ASCC3: variants seen among roughly 807,000 people sequenced by gnomAD.
ASCC3 encodes activating signal cointegrator 1 complex subunit 3.
ASCC3 carries 158 observed loss-of-function variants against 256.3 expected under a neutral mutation model. The observed-to-expected ratio is 0.62, with a 90% confidence interval of 0.54 to 0.70. ASCC3 has a LOEUF of 0.70. Among genes scored for constraint, ASCC3 ranks in the 30% least tolerant of loss-of-function variants. The probability of loss-of-function intolerance (pLI) is 0.00; values close to 1 mark genes in which losing one functional copy is unlikely to be tolerated. For missense variants in ASCC3, 2,259 were observed against 2,626.0 expected, an observed-to-expected ratio of 0.86 and a Z score of 3.05; for synonymous variants, 948 against 883.4, an observed-to-expected ratio of 1.07 and a Z score of -1.30.
At chr6:100,622,331 G>A (rs1773996945) in intron 30 of ASCC3, among the ~76,000 whole-genome samples, 1 of 152,120 alleles carries the variant, frequency 6.6e-6, no homozygotes, top group African/African-American at 2.4e-5. Flanking sequence ...TGTCATGATA[G>A]AGAGAGTTCT....
At chr6:100,706,531 T>G (rs908270687) in intron 13 of ASCC3, among the ~76,000 whole-genome samples, 1 of 151,794 alleles carries the variant, frequency 6.6e-6, no homozygotes, top group Non-Finnish European at 1.5e-5. Flanking sequence ...TACCAGTTCT[T>G]GTGTGATGGA....
chr6:100,815,653 C>A (rs1770708252), intron 4 of ASCC3, among the ~76,000 whole-genome samples: 1 of 151,952 alleles, frequency 6.6e-6, no homozygotes, highest in South Asian at 2.1e-4. Flanking sequence ...CCAACAAAAA[C>A]AAGGAATGGG....
At chr6:100,630,139 T>C (rs1774462397) in intron 26 of ASCC3, among the ~76,000 whole-genome samples, 1 of 152,038 alleles carries the variant, frequency 6.6e-6, no homozygotes, top group African/African-American at 2.4e-5. Flanking sequence ...ATCACCCGCC[T>C]CAGCCTCCCA....
intron 10 of ASCC3, among the ~76,000 whole-genome samples, chr6:100,758,851 C>T (rs974695829): frequency 6.6e-6 from 1 of 152,100 alleles, no homozygotes; most frequent in African/African-American, 2.4e-5. Flanking sequence ...TAATTTAATT[C>T]CCACCAACAG....
rs550411844 is a variant in ASCC3, at chr6:100,528,783, G to A, written c.5776-10641C>T. ...TAAAGGTCTTCCTTTCAGGCACACT[G>A]AATCACCTAGAATACTTTCAAAGCA... On this transcript the variant is annotated intron_variant, in intron 37 of 41. Coordinates refer to ENST00000369162, the MANE Select transcript of ASCC3 (RefSeq NM_006828.4). 5.3e-5 allele frequency among the ~76,000 whole-genome samples: 8 copies of A among 152,266 alleles called. No homozygotes were observed. In the South Asian group the frequency reaches 1.7e-3, roughly 32 times the overall value.
intron 36 of ASCC3, among the ~76,000 whole-genome samples, chr6:100,547,165 A>AT (rs1769014733): frequency 2.6e-5 from 4 of 152,120 alleles, no homozygotes; most frequent in Admixed American, 2.6e-4. Flanking sequence ...ATAACTGGGT[A>AT]TCCATATGGC....
intron 14 of ASCC3, among the ~76,000 whole-genome samples, chr6:100,669,779 A>G (rs1461941713): frequency 1.3e-5 from 2 of 151,956 alleles, no homozygotes; most frequent in African/African-American, 4.8e-5. Context: ...ACTCAAGTAA[A>G]TAAGAGAATA....
At chr6:100,602,836 G>A (rs1181697061) in intron 33 of ASCC3, among the ~76,000 whole-genome samples, 1 of 151,978 alleles carries the variant, frequency 6.6e-6, no homozygotes, top group Non-Finnish European at 1.5e-5. Flanking sequence ...AAAAGAAAAA[G>A]CTAAGTAAAA....
intron 8 of ASCC3, among the ~76,000 whole-genome samples, chr6:100,768,493 T>C (rs1292053199): frequency 6.6e-6 from 1 of 152,140 alleles, no homozygotes; most frequent in African/African-American, 2.4e-5. Flanking sequence ...CAGAAAGCCA[T>C]TTCATAATGA....
At chr6:100,717,986 A>C (rs562070347) in intron 12 of ASCC3, 89 bp downstream of exon 12, 1 of 1,289,574 alleles carries the variant, frequency 7.8e-7, no homozygotes, top group East Asian at 2.5e-5. Flanking sequence ...AAAGGCTGAA[A>C]TGGTCTTTTG....
chr6:100,580,886 T>C (rs1017461657), intron 36 of ASCC3, among the ~76,000 whole-genome samples: 1 of 152,018 alleles, frequency 6.6e-6, no homozygotes, highest in Non-Finnish European at 1.5e-5. Context: ...TCCAATTGCA[T>C]CCATGTCCCT....
In ASCC3 at chr6:100,571,606, C is replaced by A. The variant is rs912669630; in HGVS notation, c.5550+18028G>T. 5.9e-5 allele frequency among the ~76,000 whole-genome samples: 9 copies of A among 152,116 alleles called. 1 individual carries two copies. Among genetic ancestry groups the A allele is most frequent in the Admixed American group, 5.2e-4 (8 of 15,262 alleles). Reference sequence around the variant, plus strand: ...TATTGCAAATAAGCAAAAAATTGTTCTATGCATTTCACGTATATAAACTAA... The same window carrying A: ...TATTGCAAATAAGCAAAAAATTGTTATATGCATTTCACGTATATAAACTAA... On this transcript the variant is annotated intron_variant, in intron 36 of 41. Transcript: ENST00000369162.
chr6:100,718,199 G>A lies in ASCC3; in HGVS notation c.1955C>T (p.Pro652Leu), dbSNP rs766428747. The A allele has an allele frequency of 6.2e-7, 1 of 1,613,378 alleles. No homozygotes were observed. The highest frequency in any genetic ancestry group is 1.7e-5 in the Admixed American group (1 of 59,958). The stretch of plus-strand genomic sequence containing the variant: ...AAATGTGGCAACATCGAGGTAGTTA[G>A]GTAAAGTTGCAGACAGTCCGAGAAT... ...IRILGLSATL[P>L]NYLDVATFLH... Residue 652 changes from proline (P) to leucine (L), a missense_variant, in exon 12 of 42, where the codon CCT becomes CTT. By Grantham distance (98) the Pro-to-Leu change is moderately conservative (BLOSUM62 -3). Coordinates refer to ENST00000369162, the MANE Select transcript of ASCC3 (RefSeq NM_006828.4).
At chr6:100,543,341 C>A (rs998238487) in intron 36 of ASCC3, among the ~76,000 whole-genome samples, 5 of 152,060 alleles carry the variant, frequency 3.3e-5, no homozygotes, top group Non-Finnish European at 5.9e-5. Flanking sequence ...TATTTTCGAT[C>A]TGCAATTGAT....
intron 34 of ASCC3, among the ~76,000 whole-genome samples, chr6:100,594,260 T>C (rs1772162982): frequency 6.6e-6 from 1 of 152,146 alleles, no homozygotes; most frequent in Non-Finnish European, 1.5e-5. Context: ...TATACACACA[T>C]GCAGATGAAC....
chr6:100,555,029 TA>T, intron 36 of ASCC3, among the ~76,000 whole-genome samples: 1 of 151,796 alleles, frequency 6.6e-6, no homozygotes. Flanking sequence ...ACCTCTAAAA[TA>T]AAAGACTATT....
intron 36 of ASCC3, among the ~76,000 whole-genome samples, chr6:100,571,345 A>G (rs1457493797): frequency 1.3e-5 from 2 of 152,166 alleles, no homozygotes; most frequent in African/African-American, 4.8e-5. Flanking sequence ...ATCATAAACT[A>G]TCCTATTAAT....
intron 17 of ASCC3, 30 bp downstream of exon 17, chr6:100,655,668 GA>G (rs765002247): frequency 5.0e-6 from 8 of 1,602,408 alleles, no homozygotes; most frequent in Non-Finnish European, 6.8e-6. Context: ...AAGAAGGTCT[GA>G]ATTTTTTTTT....
intron 36 of ASCC3, among the ~76,000 whole-genome samples, chr6:100,557,440 T>C (rs953098048): frequency 1.1e-4 from 16 of 152,174 alleles, no homozygotes; most frequent in Admixed American, 2.6e-4. Flanking sequence ...TTAGTATGGA[T>C]ATGTTTATAA....
Sources: gnomAD v4.1 joint callset for allele counts (sites outside exome capture counted in the v4.1 genomes callset) on GRCh38, gnomAD v4.1.1 for gene constraint, MANE v1.5 for transcripts, NCBI Gene and HGNC (gene_info 2026-07-23, HGNC 2026-07-21) for gene names.